SLC9C1: variants seen among roughly 807,000 people sequenced by gnomAD.
The protein encoded by SLC9C1 is solute carrier family 9 member C1.
Under a neutral mutation model 140.9 loss-of-function variants are expected in SLC9C1, and 97 were observed. The observed-to-expected ratio is 0.69, with a 90% CI of 0.58 to 0.82. SLC9C1 has a LOEUF of 0.82. Among genes scored for constraint, SLC9C1 ranks in the 40% least tolerant of loss-of-function variants. The pLI, the probability that SLC9C1 is intolerant of heterozygous loss-of-function variation, is 0.00. For missense variants in SLC9C1, 1,340 were observed against 1,389.3 expected, an observed-to-expected ratio of 0.96 and a Z score of 0.56; for synonymous variants, 440 against 442.6, an observed-to-expected ratio of 0.99 and a Z score of 0.07.
At chr3:112,252,051 G>C (rs1272292121) in intron 10 of SLC9C1, among the ~76,000 whole-genome samples, 3 of 152,158 alleles carry the variant, frequency 2.0e-5, no homozygotes, top group Non-Finnish European at 4.4e-5. Flanking sequence ...TCAGACTGTA[G>C]ACTGGGCTCT....
intron 10 of SLC9C1, among the ~76,000 whole-genome samples, chr3:112,259,416 TAA>T (rs71134817): frequency 8.5e-4 from 108 of 126,626 alleles, no homozygotes; most frequent in Middle Eastern, 4.3e-3. Context: ...TTTACCTATC[TAA>T]AAAAAAAAAA....
At chr3:112,166,200 C>G (rs2077131162) in intron 26 of SLC9C1, among the ~76,000 whole-genome samples, 1 of 152,244 alleles carries the variant, frequency 6.6e-6, no homozygotes, top group Non-Finnish European at 1.5e-5. Context: ...AGGGAATTCC[C>G]TAACCCCTTG....
At chr3:112,270,349 C>T (rs779229600) in intron 6 of SLC9C1, among the ~76,000 whole-genome samples, 1 of 152,194 alleles carries the variant, frequency 6.6e-6, no homozygotes, top group Non-Finnish European at 1.5e-5. Context: ...TACTAATTTA[C>T]ATTCCCACCA....
chr3:112,153,263 T>C lies in SLC9C1; in HGVS notation c.3418-1300A>G, dbSNP rs185897391. Among the ~76,000 whole-genome samples the C allele has an allele frequency of 9.9e-5, 15 of 152,222 alleles. No individual in the cohort carries two copies. The East Asian group carries it at 1.3e-3, about 14-fold the overall frequency. ...CACCATGCCATCATTCTTTTTTTAA[T>C]TGATGGAAAAGCAGCACTGTTTGAG... On this transcript the variant is annotated intron_variant, in intron 27 of 28. Transcript: ENST00000305815.
At chr3:112,254,462 C>T (rs188439005) in intron 10 of SLC9C1, among the ~76,000 whole-genome samples, 1 of 152,224 alleles carries the variant, frequency 6.6e-6, no homozygotes. Flanking sequence ...AAATCGTCAA[C>T]CAATAATTTC....
chr3:112,161,526 G>A (rs574632859), intron 26 of SLC9C1, among the ~76,000 whole-genome samples: 1 of 152,124 alleles, frequency 6.6e-6, no homozygotes, highest in Non-Finnish European at 1.5e-5. Context: ...ATTAAATAGG[G>A]AATCCTTTCC....
At chr3:112,234,572 T>C (rs999988426) in intron 12 of SLC9C1, among the ~76,000 whole-genome samples, 3 of 152,310 alleles carry the variant, frequency 2.0e-5, no homozygotes, top group South Asian at 2.1e-4. Flanking sequence ...TCCTGAATGG[T>C]ATTGCCTAGG....
At chr3:112,141,956 A>G (rs2074638473) in intron 28 of SLC9C1, among the ~76,000 whole-genome samples, 1 of 152,166 alleles carries the variant, frequency 6.6e-6, no homozygotes, top group South Asian at 2.1e-4. Context: ...ATGGTTGCAC[A>G]ATATTTCCTC....
At chr3:112,150,092 G>A (rs909076438) in intron 28 of SLC9C1, among the ~76,000 whole-genome samples, 5 of 152,140 alleles carry the variant, frequency 3.3e-5, no homozygotes, top group African/African-American at 1.2e-4. Flanking sequence ...CACAATTCTA[G>A]CACCTACTGT....
At position 112,169,258 on chromosome 3, in the gene SLC9C1, A is replaced by T; in HGVS notation, c.2990T>A (p.Met997Lys). The stretch of plus-strand genomic sequence containing the variant: ...AATAGCGAGTCCAAGTTTTAGCCAC[A>T]TTTTTTGTTTAATGAGAGGAGAGCA... ...EQCSPLIKQK[M>K]WLKLGLAITA... Residue 997 changes from methionine (M) to lysine (K), a missense_variant, in exon 24 of 29, where the codon ATG becomes AAG. By Grantham distance (95) the Met-to-Lys change is moderately conservative. Transcript: ENST00000305815. 6.2e-7 allele frequency: 1 copy of T among 1,613,574 alleles called. No homozygotes were observed. The highest frequency in any genetic ancestry group is 8.5e-7 in the Non-Finnish European group (1 of 1,179,786).
At chr3:112,238,811 T>A (rs1204094029) in intron 12 of SLC9C1, among the ~76,000 whole-genome samples, 2 of 152,218 alleles carry the variant, frequency 1.3e-5, no homozygotes, top group Non-Finnish European at 2.9e-5. Context: ...TGATTGTTCC[T>A]CTGGAGGTTT....
chr3:112,251,753 C>G (rs1173835168), intron 10 of SLC9C1, among the ~76,000 whole-genome samples: 1 of 151,102 alleles, frequency 6.6e-6, no homozygotes, highest in Non-Finnish European at 1.5e-5. Context: ...TGCAGCTGCC[C>G]TGTGGAAGAG....
chr3:112,261,375 G>T (rs2079766517), intron 10 of SLC9C1, among the ~76,000 whole-genome samples: 2 of 152,104 alleles, frequency 1.3e-5, no homozygotes, highest in South Asian at 4.2e-4. Context: ...CATATAACAG[G>T]CTAATAATAC....
At position 112,179,540 on chromosome 3, in the gene SLC9C1, A is replaced by G. The variant is rs74367861; in HGVS notation, c.2910T>C (p.Thr970=). 144,134 of 1,601,872 alleles carry G rather than the reference A, an allele frequency of 0.09. 7,199 individuals are homozygous for G. The highest frequency in any genetic ancestry group is 0.21 in the East Asian group (9,228 of 44,346). Residue 970 remains threonine, a synonymous_variant, in exon 23 of 29, where the codon ACT becomes ACC. Coordinates refer to ENST00000305815, the MANE Select transcript of SLC9C1 (RefSeq NM_183061.3). ...GCGAAGTTTTTCTGACCTCCACTAC[A>G]GTTTTGCAGGTGGCAGAATATTTCA... ...EPMKYSATCK[T]VVETCFIPKT...
At chr3:112,203,392 A>G (rs188080482) in intron 17 of SLC9C1, among the ~76,000 whole-genome samples, 2 of 152,176 alleles carry the variant, frequency 1.3e-5, no homozygotes, top group East Asian at 3.9e-4. Flanking sequence ...CTCTAGCACT[A>G]CTTATGATCC....
intron 6 of SLC9C1, among the ~76,000 whole-genome samples, chr3:112,270,765 G>A (rs542607788): frequency 9.9e-5 from 15 of 151,530 alleles, no homozygotes; most frequent in African/African-American, 3.4e-4. Context: ...GTAGTGAGCC[G>A]AGATCACACC....
chr3:112,267,725 T>C lies in SLC9C1; in HGVS notation c.776-1385A>G, dbSNP rs1436294010. Among the ~76,000 whole-genome samples, 4 of 152,102 alleles carry C rather than the reference T, an allele frequency of 2.6e-5. No individual in the cohort carries two copies. In the South Asian group the frequency reaches 8.3e-4, roughly 31 times the overall value. ...ATTATTGAGTTTTCCCTTCTAAAGATGGAAAATTACAAGTTGTCTATTTTT... is the reference window on the plus strand; with the variant it reads ...ATTATTGAGTTTTCCCTTCTAAAGACGGAAAATTACAAGTTGTCTATTTTT... On this transcript the variant is annotated intron_variant, in intron 7 of 28. Transcript: ENST00000305815.
chr3:112,279,342 C>G (rs2080299560), intron 3 of SLC9C1, among the ~76,000 whole-genome samples: 1 of 152,098 alleles, frequency 6.6e-6, no homozygotes, highest in African/African-American at 2.4e-5. Context: ...AGAAGCAGAG[C>G]AAGTGTTGTC....
At position 112,264,305 on chromosome 3, in the gene SLC9C1, A is replaced by G; in HGVS notation, c.917T>C (p.Val306Ala). ...TFLSRIAFLMVFTFFGLLIPA... is the reference protein window; with the variant it reads ...TFLSRIAFLMAFTFFGLLIPA... ...AATTAGAAGTCCAAAGAAAGTAAAC[A>G]CCATGAGAAAAGCAATACGTGATAG... The change falls in exon 9 of 29, where the codon GTG becomes GCG. Residue 306 changes from valine to alanine, a missense_variant. By Grantham distance (64) the Val-to-Ala change is moderately conservative. Transcript: ENST00000305815. 2 of 1,484,550 alleles carry G rather than the reference A, an allele frequency of 1.3e-6. No homozygotes were observed. Among genetic ancestry groups the G allele is most frequent in the Non-Finnish European group, 1.8e-6 (2 of 1,118,650 alleles). 92.0% of individuals were successfully genotyped at this position (1,484,550 alleles called of 1,614,324 possible). A position where few individuals can be genotyped will look rare whatever the true frequency, so the allele number is the denominator to read the frequency against.
Sources: gnomAD v4.1 joint callset for allele counts (sites outside exome capture counted in the v4.1 genomes callset) on GRCh38, gnomAD v4.1.1 for gene constraint, MANE v1.5 for transcripts, NCBI Gene and HGNC (gene_info 2026-07-23, HGNC 2026-07-21) for gene names.